The following SIPA1L1 variants were observed in gnomAD, a reference collection of about 807,000 sequenced individuals.
SIPA1L1 encodes the protein signal-induced proliferation-associated 1-like protein 1.
A neutral mutation model predicts 162.7 loss-of-function variants in SIPA1L1; 26 were observed. That is an observed-to-expected ratio of 0.16 (90% CI 0.12 to 0.22). SIPA1L1 has a LOEUF of 0.22. Among genes scored for constraint, SIPA1L1 ranks in the 10% least tolerant of loss-of-function variants. SIPA1L1 has a pLI of 1.00. For missense variants in SIPA1L1, 1,874 were observed against 2,241.0 expected, an observed-to-expected ratio of 0.84 and a Z score of 3.31; for synonymous variants, 829 against 837.4, an observed-to-expected ratio of 0.99 and a Z score of 0.17.
At chr14:71,497,810 T>C (rs939764869) in intron 2 of SIPA1L1, 14 of 152,240 alleles carry the variant, frequency 9.2e-5, no homozygotes, top group Non-Finnish European at 5.9e-5. Context: ...CTATGAACAT[T>C]TGTGTCCAGA....
intron 2 of SIPA1L1, among the ~76,000 whole-genome samples, chr14:71,388,641 A>G (rs1396222522): frequency 6.6e-6 from 1 of 152,234 alleles, no homozygotes; most frequent in Non-Finnish European, 1.5e-5. Flanking sequence ...AGAGAATGAG[A>G]GGCTAAAGAT....
At chr14:71,342,191 A>G (rs550009623) in intron 2 of SIPA1L1, among the ~76,000 whole-genome samples, 11 of 151,976 alleles carry the variant, frequency 7.2e-5, no homozygotes, top group African/African-American at 2.7e-4. Flanking sequence ...TTTTGTAGAG[A>G]TGGGGTTTTG....
chr14:71,460,019 AAGT>A (rs567281569), intron 2 of SIPA1L1, among the ~76,000 whole-genome samples: 3 of 152,348 alleles, frequency 2.0e-5, no homozygotes, highest in Admixed American at 2.0e-4. Flanking sequence ...CCATTACATA[AAGT>A]TAATAATACA....
intron 17 of SIPA1L1, among the ~76,000 whole-genome samples, chr14:71,713,077 G>A (rs978010665): frequency 6.6e-6 from 1 of 152,180 alleles, no homozygotes; most frequent in Non-Finnish European, 1.5e-5. Flanking sequence ...ATAACTAGCT[G>A]GGCACGGTGA....
chr14:71,364,016 C>T (rs774405326), intron 2 of SIPA1L1, among the ~76,000 whole-genome samples: 6 of 152,136 alleles, frequency 3.9e-5, no homozygotes, highest in Admixed American at 2.0e-4. Flanking sequence ...AAACCTTTTA[C>T]GCTGTTAAAA....
intron 2 of SIPA1L1, among the ~76,000 whole-genome samples, chr14:71,394,547 A>C (rs141233797): frequency 1.4e-3 from 217 of 152,306 alleles, no homozygotes; most frequent in Non-Finnish European, 2.4e-3. Flanking sequence ...CTTTTCACCT[A>C]TTCTCCAGCC....
intron 2 of SIPA1L1, among the ~76,000 whole-genome samples, chr14:71,452,529 T>C (rs1474720616): frequency 1.3e-5 from 2 of 152,196 alleles, no homozygotes; most frequent in Non-Finnish European, 2.9e-5. Context: ...ACATTTCTGT[T>C]AGGCATCTAT....
intron 2 of SIPA1L1, among the ~76,000 whole-genome samples, chr14:71,334,132 C>G (rs1342335128): frequency 6.6e-6 from 1 of 152,206 alleles, no homozygotes; most frequent in East Asian, 1.9e-4. Flanking sequence ...GTTGACTTGC[C>G]AAGTGGAGCA....
intron 2 of SIPA1L1, among the ~76,000 whole-genome samples, chr14:71,355,347 A>G (rs925592476): frequency 1.1e-4 from 17 of 152,168 alleles, no homozygotes; most frequent in African/African-American, 3.9e-4. Context: ...ATAGTGTCCT[A>G]TTTTAGTTGC....
At chr14:71,418,946 G>T (rs139815605) in intron 2 of SIPA1L1, among the ~76,000 whole-genome samples, 1 of 152,132 alleles carries the variant, frequency 6.6e-6, no homozygotes, top group Non-Finnish European at 1.5e-5. Flanking sequence ...AATGTCCTTG[G>T]CTTGAAGGCC....
intron 4 of SIPA1L1, among the ~76,000 whole-genome samples, chr14:71,569,201 A>G (rs1308879847): frequency 6.6e-6 from 1 of 152,192 alleles, no homozygotes; most frequent in East Asian, 1.9e-4. Context: ...TGAATGATCA[A>G]CACCATTTTT....
chr14:71,488,974 T>C (rs1047793813), intron 2 of SIPA1L1, among the ~76,000 whole-genome samples: 2 of 152,210 alleles, frequency 1.3e-5, no homozygotes, highest in African/African-American at 4.8e-5. Flanking sequence ...GCAGGATGGC[T>C]CCTTGTTCAC....
At chr14:71,721,883 G>C in intron 17 of SIPA1L1, among the ~76,000 whole-genome samples, 1 of 152,162 alleles carries the variant, frequency 6.6e-6, no homozygotes, top group Non-Finnish European at 1.5e-5. Context: ...TATGTATTCA[G>C]GGCCCCAGGC....
intron 2 of SIPA1L1, among the ~76,000 whole-genome samples, chr14:71,500,175 T>C (rs773174832): frequency 3.3e-5 from 5 of 151,968 alleles, no homozygotes; most frequent in Admixed American, 6.6e-5. Context: ...TTCAACAAAA[T>C]AAAAATTAAG....
intron 4 of SIPA1L1, among the ~76,000 whole-genome samples, chr14:71,549,833 G>T (rs919096608): frequency 6.6e-6 from 1 of 152,066 alleles, no homozygotes; most frequent in East Asian, 1.9e-4. Flanking sequence ...TTTTTTAATT[G>T]CGGAAGTTGA....
chr14:71,367,149 TAAC>T (rs1490819515), intron 2 of SIPA1L1, among the ~76,000 whole-genome samples: 2 of 152,190 alleles, frequency 1.3e-5, no homozygotes, highest in African/African-American at 4.8e-5. Context: ...ATTTTAAACT[TAAC>T]AGCATGTCTT....
chr14:71,676,192 C>A (rs958437992), intron 12 of SIPA1L1, among the ~76,000 whole-genome samples: 5 of 151,424 alleles, frequency 3.3e-5, no homozygotes, highest in African/African-American at 1.2e-4. Flanking sequence ...TACTTGGGGG[C>A]TGAGGTAGGA....
chr14:71,681,013 G>A (rs1003116036), intron 12 of SIPA1L1, among the ~76,000 whole-genome samples: 2 of 152,176 alleles, frequency 1.3e-5, no homozygotes, highest in African/African-American at 4.8e-5. Context: ...ATCATTTAAA[G>A]GGAACATGCT....
chr14:71,463,331 G>T (rs897462183), intron 2 of SIPA1L1, among the ~76,000 whole-genome samples: 2 of 152,136 alleles, frequency 1.3e-5, no homozygotes, highest in Non-Finnish European at 2.9e-5. Context: ...CTGGCACTGG[G>T]AAATGACCAC....
Sources: gnomAD v4.1 joint callset for allele counts (sites outside exome capture counted in the v4.1 genomes callset) on GRCh38, gnomAD v4.1.1 for gene constraint, MANE v1.5 for transcripts, NCBI Gene and HGNC (gene_info 2026-07-23, HGNC 2026-07-21) for gene names.